Variants in CYTH4 observed in about 807,000 individuals in gnomAD.
CYTH4 encodes cytohesin 4.
In CYTH4, 22 loss-of-function variants were observed where a neutral mutation model predicts 57.5. The observed-to-expected ratio is 0.38, with a 90% CI of 0.27 to 0.55. The LOEUF is 0.55. CYTH4 is among the 20% of genes least tolerant of loss of function. The probability of loss-of-function intolerance (pLI) is 0.74; values close to 1 mark genes in which losing one functional copy is unlikely to be tolerated. For synonymous variants in CYTH4, 186 were observed against 206.5 expected, an observed-to-expected ratio of 0.90 and a Z score of 0.85; for missense variants, 420 against 535.6, an observed-to-expected ratio of 0.78 and a Z score of 2.13.
rs571604170 is a variant in CYTH4 at position 37,292,903 on chromosome 22, C to CG, written c.102+204dup. On this transcript the variant is annotated intron_variant, in intron 2 of 12. Coordinates refer to ENST00000248901, the MANE Select transcript of CYTH4 (RefSeq NM_013385.5). ...GAGACCCAGGGAGAACTGGGAGAGC[C>CG]GGGGAGGGAGGCAGCGATCCAATTA... Among the ~76,000 whole-genome samples, 16 of 152,180 alleles carry CG rather than the reference C, an allele frequency of 1.1e-4. No homozygotes were observed. In the South Asian group the frequency reaches 3.3e-3, roughly 32 times the overall value.
chr22:37,294,190 G>A (rs1333205938), intron 2 of CYTH4, among the ~76,000 whole-genome samples: 1 of 130,482 alleles, frequency 7.7e-6, no homozygotes, highest in African/African-American at 2.9e-5. Context: ...GGCTGGGGGA[G>A]GTGGGCAGGG....
At position 37,298,442 on chromosome 22, in the gene CYTH4, G is replaced by A. The variant is rs1929055465; in HGVS notation, c.353+760G>A. 1 of 158,548 alleles carries A rather than the reference G, an allele frequency of 6.3e-6. No individual in the cohort carries two copies. The highest frequency in any genetic ancestry group is 2.4e-5 in the African/African-American group (1 of 41,508). The allele number at this position is 158,548 out of a possible 1,614,324, so 9.8% of individuals were successfully genotyped here. On this transcript the variant is annotated intron_variant, in intron 5 of 12. Transcript: ENST00000248901. The surrounding 1 kb of genome is among the most constrained non-coding windows in gnomAD (Gnocchi z 4.1). ...CTGGGGACCATAGGTTGGGGGCTGTGATTTAGAATAGCGTGGACAGGAAGG... is the reference window on the plus strand; with the variant it reads ...CTGGGGACCATAGGTTGGGGGCTGTAATTTAGAATAGCGTGGACAGGAAGG...
rs778621928 is a variant in CYTH4, at chr22:37,294,741, G to C, written c.167+17G>C. On this transcript the variant is annotated intron_variant, in intron 3 of 12. Transcript: ENST00000248901. ...GGAGGAGAGGTGAGGGGCTTGGGTG[G>C]GGACCCCCAGAAACTGCCATGGTTG... is the stretch of plus-strand genomic sequence containing the variant. 5.0e-6 allele frequency: 8 copies of C among 1,613,616 alleles called. No homozygotes were observed. The African/African-American group carries it at 5.3e-5, about 11-fold the overall frequency.
At position 37,314,335 on chromosome 22, in the gene CYTH4, A is replaced by G. The variant is rs1277633434; in HGVS notation, c.*824A>G. 2.8e-5 allele frequency: 11 copies of G among 398,636 alleles called. No homozygotes were observed. The highest frequency in any genetic ancestry group is 4.4e-6 in the Non-Finnish European group (1 of 226,108). The allele number at this position is 398,636 out of a possible 1,614,324, so 24.7% of individuals were successfully genotyped here. On this transcript the variant is annotated 3_prime_UTR_variant, in exon 13 of 13. Coordinates refer to ENST00000248901, the MANE Select transcript of CYTH4 (RefSeq NM_013385.5). ...ATAGACTCCACCTTCCAGGATGTCC[A>G]TTTCGGGGAGAGGAGCAGGTGGGAC...
intron 1 of CYTH4, among the ~76,000 whole-genome samples, chr22:37,284,837 A>G (rs896473946): frequency 1.3e-5 from 2 of 152,080 alleles, no homozygotes; most frequent in Non-Finnish European, 2.9e-5. Context: ...CCTGCCGGGA[A>G]GGTGAGAGGG....
chr22:37,314,673 C>T lies in CYTH4; in HGVS notation c.*1162C>T, dbSNP rs192068954. 48 of 365,004 alleles carry T rather than the reference C, an allele frequency of 1.3e-4. No homozygotes were observed. The highest frequency in any genetic ancestry group is 9.2e-4 in the Admixed American group (20 of 21,654). 22.6% of individuals were successfully genotyped at this position (365,004 alleles called of 1,614,324 possible). A position where few individuals can be genotyped will look rare whatever the true frequency, so the allele number is the denominator to read the frequency against. ...TGACTTCCAGTACCCGGGCAGCCAG[C>T]TCTGTCTCCAGGGAGGCCTGGCCTG... is the stretch of plus-strand genomic sequence containing the variant. On this transcript the variant is annotated 3_prime_UTR_variant, in exon 13 of 13. Transcript: ENST00000248901.
rs1928937601 is a variant in CYTH4 at position 37,295,740 on chromosome 22, C to A, written c.168-259C>A. On this transcript the variant is annotated intron_variant, in intron 3 of 12. Transcript: ENST00000248901. The surrounding 1 kb of genome is among the most constrained non-coding windows in gnomAD (Gnocchi z 4.1). ...CTTGCACAGGGCCCCTCCACCTTCT[C>A]CCACACGGCAGCTCCGGGTTCCTGC... 6.6e-6 allele frequency among the ~76,000 whole-genome samples: 1 copy of A among 152,246 alleles called. No individual in the cohort carries two copies. The highest frequency in any genetic ancestry group is 2.4e-5 in the African/African-American group (1 of 41,470).
At chr22:37,308,946 C>T (rs915614077) in intron 8 of CYTH4, among the ~76,000 whole-genome samples, 2 of 152,078 alleles carry the variant, frequency 1.3e-5, no homozygotes, top group Middle Eastern at 3.2e-3. Context: ...GACCCCTGCT[C>T]GCTCTGCCCT....
At chr22:37,291,261 C>G (rs1391117969) in intron 1 of CYTH4, among the ~76,000 whole-genome samples, 2 of 152,220 alleles carry the variant, frequency 1.3e-5, no homozygotes, top group African/African-American at 4.8e-5. Context: ...GTCTTCTCCA[C>G]ACCGCTGCCT....
chr22:37,301,299 G>T (rs1394079251), intron 7 of CYTH4, among the ~76,000 whole-genome samples: 1 of 152,200 alleles, frequency 6.6e-6, no homozygotes, highest in African/African-American at 2.4e-5. Flanking sequence ...AAGGGAATCA[G>T]CATGTCCAAG....
rs768959042 is a variant in CYTH4, at chr22:37,312,117, C to T, written c.1055C>T (p.Ser352Leu). 5.6e-6 allele frequency: 9 copies of T among 1,614,252 alleles called. No homozygotes were observed. Among genetic ancestry groups the T allele is most frequent in the South Asian group, 4.4e-5 (4 of 91,092 alleles). Reference protein sequence around the residue: ...DGRVVEGKHESYRISATSAEE... With the variant: ...DGRVVEGKHELYRISATSAEE... ...AGGGTGGTGGAGGGCAAGCACGAAT[C>T]GTACCGCATCTCAGCCACCAGTGCC... Residue 352 changes from serine to leucine, a missense_variant, in exon 12 of 13, where the codon TCG (serine) becomes TTG (leucine). Physicochemically the swap from Ser to Leu is moderately radical, Grantham distance 145. Transcript: ENST00000248901.
intron 1 of CYTH4, among the ~76,000 whole-genome samples, chr22:37,285,572 C>G (rs192535004): frequency 2.8e-4 from 42 of 151,816 alleles, no homozygotes; most frequent in East Asian, 1.2e-3. Flanking sequence ...TTAGCCGGGC[C>G]TGGTGGTGGG....
In CYTH4 at chr22:37,311,144, G is replaced by T; in HGVS notation, c.885+80G>T. ...ACTTCCCAACTCCCACTGAGCAGTC[G>T]ACTCACACAGCTTTGGATCCTTTGA... On this transcript the variant is annotated intron_variant, in intron 10 of 12. Transcript: ENST00000248901. The surrounding 1 kb of genome is among the most constrained non-coding windows in gnomAD (Gnocchi z 4.4). The T allele has an allele frequency of 1.4e-6, 2 of 1,455,550 alleles. No homozygotes were observed. Among genetic ancestry groups the T allele is most frequent in the South Asian group, 2.3e-5 (2 of 86,582 alleles). The allele number at this position is 1,455,550 out of a possible 1,614,324, so 90.2% of individuals were successfully genotyped here. A position where few individuals can be genotyped will look rare whatever the true frequency, so the allele number is the denominator to read the frequency against.
chr22:37,308,648 A>G (rs965463314), intron 8 of CYTH4, among the ~76,000 whole-genome samples: 4 of 149,800 alleles, frequency 2.7e-5, no homozygotes, highest in East Asian at 2.0e-4. Flanking sequence ...GTATGCATGT[A>G]TGTGTGCATA....
Position 37,296,069 on chromosome 22 carries a change from G to T in CYTH4, c.234+4G>T, listed in dbSNP as rs1928954479. On this transcript the variant is annotated splice_donor_region_variant and intron_variant, in intron 4 of 12. Transcript: ENST00000248901. ...GTTCAACATGGACCCCGCCAAGGTA[G>T]GTGGCTGTGGAGGGCCCGGGCCACA... is the stretch of plus-strand genomic sequence containing the variant. 2.5e-6 allele frequency: 4 copies of T among 1,612,054 alleles called. No homozygotes were observed. The East Asian group carries it at 8.9e-5, about 36-fold the overall frequency.
In CYTH4 at chr22:37,314,658, T is replaced by G; in HGVS notation, c.*1147T>G. 2 of 363,982 alleles carry G rather than the reference T, an allele frequency of 5.5e-6. No individual in the cohort carries two copies. Among genetic ancestry groups the G allele is most frequent in the African/African-American group, 2.1e-5 (1 of 47,954 alleles). 22.5% of individuals were successfully genotyped at this position (363,982 alleles called of 1,614,324 possible). A position where few individuals can be genotyped will look rare whatever the true frequency, so the allele number is the denominator to read the frequency against. On this transcript the variant is annotated 3_prime_UTR_variant, in exon 13 of 13. Coordinates refer to ENST00000248901, the MANE Select transcript of CYTH4 (RefSeq NM_013385.5). ...TTATCAGAGTAGAGCTGACTTCCAG[T>G]ACCCGGGCAGCCAGCTCTGTCTCCA...
chr22:37,287,256 T>C (rs1448385826), intron 1 of CYTH4, among the ~76,000 whole-genome samples: 1 of 152,060 alleles, frequency 6.6e-6, no homozygotes, highest in Non-Finnish European at 1.5e-5. Context: ...TGAAGCCCCA[T>C]GGGGACCAGG....
At chr22:37,283,480 C>T (rs982623687) in intron 1 of CYTH4, among the ~76,000 whole-genome samples, 1 of 152,116 alleles carries the variant, frequency 6.6e-6, no homozygotes, top group African/African-American at 2.4e-5. Context: ...TCCAGATGAC[C>T]TCAGCCTTGT....
chr22:37,304,284 G>A (rs771231220), intron 8 of CYTH4: 2 of 456,650 alleles, frequency 4.4e-6, no homozygotes, highest in Admixed American at 2.3e-5. Flanking sequence ...CAGTGTGGCC[G>A]AGGTGTGGTA....
Sources: gnomAD v4.1 joint callset for allele counts (sites outside exome capture counted in the v4.1 genomes callset) on GRCh38, gnomAD v4.1.1 for gene constraint, Gnocchi (gnomAD v3.1) non-coding constraint, MANE v1.5 for transcripts, NCBI Gene and HGNC (gene_info 2026-07-23, HGNC 2026-07-21) for gene names.